PDILT: variants seen among roughly 807,000 people sequenced by gnomAD.
PDILT encodes protein disulfide isomerase like, testis expressed, also known as protein disulfide-isomerase-like protein of the testis.
In PDILT, 43 loss-of-function variants were observed where a neutral mutation model predicts 53.7. The ratio of observed to expected loss-of-function variants is 0.80; its 90% CI spans 0.63 to 1.03. The LOEUF (loss-of-function observed/expected upper bound fraction) is 1.03, where lower values mean the gene tolerates loss of function less well. Ranked by LOEUF, PDILT falls within the 50% of genes least tolerant of loss-of-function variation. The pLI is 0.00. For missense variants in PDILT, 727 were observed against 712.3 expected, an observed-to-expected ratio of 1.02 and a Z score of -0.24; for synonymous variants, 282 against 274.2, an observed-to-expected ratio of 1.03 and a Z score of -0.28.
chr16:20,390,457 G>A (rs1403627335), intron 2 of PDILT, among the ~76,000 whole-genome samples: 1 of 152,026 alleles, frequency 6.6e-6, no homozygotes, highest in African/African-American at 2.4e-5. Flanking sequence ...TTCCAGGGAG[G>A]CTGTCCCTGG....
intron 1 of PDILT, among the ~76,000 whole-genome samples, chr16:20,401,697 G>A (rs1440350283): frequency 6.6e-6 from 1 of 152,238 alleles, no homozygotes; most frequent in Admixed American, 6.5e-5. Context: ...GTGACCCTGA[G>A]TCAGCTGGAC....
intron 7 of PDILT, among the ~76,000 whole-genome samples, chr16:20,370,975 C>G (rs543996271): frequency 4.6e-5 from 7 of 152,206 alleles, no homozygotes; most frequent in African/African-American, 1.7e-4. Flanking sequence ...ATAAAAATGG[C>G]AACCAGCCGC....
intron 3 of PDILT, among the ~76,000 whole-genome samples, chr16:20,381,187 T>C (rs999522499): frequency 2.6e-5 from 4 of 152,246 alleles, no homozygotes; most frequent in Non-Finnish European, 5.9e-5. Flanking sequence ...AGAATGGGAC[T>C]GGGGCTTTGA....
chr16:20,382,730 G>A (rs947868112), intron 3 of PDILT, among the ~76,000 whole-genome samples: 1 of 152,178 alleles, frequency 6.6e-6, no homozygotes, highest in African/African-American at 2.4e-5. Flanking sequence ...TCCCAACAGT[G>A]TAGAGGGGTA....
chr16:20,392,510 GCCCATTTAC>G (rs147280768), intron 2 of PDILT, among the ~76,000 whole-genome samples: 5,981 of 152,214 alleles, frequency 0.039, 146 homozygotes, highest in Non-Finnish European at 0.06. Flanking sequence ...TTTGCAAAGA[GCCCATTTAC>G]CCTTGAAGAA....
chr16:20,362,661 T>G, intron 9 of PDILT, 79 bp from the exon 10 acceptor site: 3 of 1,400,506 alleles, frequency 2.1e-6, no homozygotes, highest in Non-Finnish European at 3.0e-6. Flanking sequence ...ATGGCATCGC[T>G]GTGTTCCACT....
At chr16:20,366,960 C>CTTCA (rs1195064206) in intron 8 of PDILT, among the ~76,000 whole-genome samples, 4 of 132,940 alleles carry the variant, frequency 3.0e-5, no homozygotes, top group African/African-American at 1.1e-4. Flanking sequence ...TCCTTCCTTC[C>CTTCA]TTCCTTCCTT....
intron 3 of PDILT, among the ~76,000 whole-genome samples, chr16:20,383,727 A>C (rs1966492665): frequency 6.6e-6 from 1 of 152,148 alleles, no homozygotes; most frequent in Non-Finnish European, 1.5e-5. Flanking sequence ...AAGACTCAAT[A>C]ATTTAACATA....
chr16:20,365,644 T>A, intron 8 of PDILT, 104 bp from the exon 9 acceptor site: 1 of 1,388,762 alleles, frequency 7.2e-7, no homozygotes. Flanking sequence ...TCGTGTTTTT[T>A]TCACAAGAGC....
chr16:20,391,250 T>G (rs1966603478), intron 2 of PDILT: 1 of 163,866 alleles, frequency 6.1e-6, no homozygotes, highest in Non-Finnish European at 1.4e-5. Flanking sequence ...TCATCGAAAT[T>G]GTCATCATCA....
intron 8 of PDILT, among the ~76,000 whole-genome samples, chr16:20,366,988 C>CTTCA (rs1555489406): frequency 1.2e-5 from 1 of 83,406 alleles, no homozygotes; most frequent in African/African-American, 5.0e-5. Context: ...TCCTTCCTTC[C>CTTCA]TTTCTTTCTT....
At chr16:20,372,774 C>T (rs745876747) in intron 7 of PDILT, 28 bp downstream of exon 7, 2 of 1,605,730 alleles carry the variant, frequency 1.2e-6, no homozygotes, top group Non-Finnish European at 1.7e-6. Context: ...TCCAGGAGTC[C>T]CAGAGAGCAA....
chr16:20,372,538 T>A (rs1243002599), intron 7 of PDILT, among the ~76,000 whole-genome samples: 3 of 152,132 alleles, frequency 2.0e-5, no homozygotes, highest in Non-Finnish European at 2.9e-5. Flanking sequence ...GTTCTCAGAG[T>A]AGACTCATTA....
intron 2 of PDILT, 140 bp downstream of exon 2, chr16:20,398,959 G>A: frequency 2.2e-6 from 2 of 919,036 alleles, no homozygotes; most frequent in South Asian, 3.3e-5. Context: ...AGATGATGCT[G>A]TCTATATATA....
At chr16:20,367,278 A>G (rs4473196) in intron 8 of PDILT, among the ~76,000 whole-genome samples, 2 of 151,914 alleles carry the variant, frequency 1.3e-5, no homozygotes, top group African/African-American at 4.8e-5. Context: ...AATGTTTTGT[A>G]TTTTTAGTAG....
At position 20,376,197 on chromosome 16, in the gene PDILT, C is replaced by A. The variant is rs369609355; in HGVS notation, c.414G>T (p.Val138=). ...AAACGACTAAGGCAGCAGATTCAACCACTCCTGGAGAAAGACACAGTCAAA... is the reference window on the plus strand; with the variant it reads ...AAACGACTAAGGCAGCAGATTCAACAACTCCTGGAGAAAGACACAGTCAAA... ...NRSEPISCKG[V]VESAALVVWL... The change falls in exon 4 of 12, where the codon GTG becomes GTT. Residue 138 remains valine (V), a synonymous_variant. Coordinates refer to ENST00000302451, the MANE Select transcript of PDILT (RefSeq NM_174924.2). The A allele has an allele frequency of 3.7e-6, 6 of 1,614,138 alleles. No individual in the cohort carries two copies. In the South Asian group the frequency reaches 5.5e-5, roughly 15 times the overall value.
At chr16:20,382,545 TG>T (rs1298824877) in intron 3 of PDILT, among the ~76,000 whole-genome samples, 2 of 152,210 alleles carry the variant, frequency 1.3e-5, no homozygotes, top group African/African-American at 4.8e-5. Context: ...CACTACTCAC[TG>T]GGCAGCTTTG....
At chr16:20,392,213 C>T (rs1966613691) in intron 2 of PDILT, among the ~76,000 whole-genome samples, 1 of 152,094 alleles carries the variant, frequency 6.6e-6, no homozygotes, top group Non-Finnish European at 1.5e-5. Context: ...TCAAGAACAA[C>T]CTTGAGGTTT....
At chr16:20,381,165 G>A (rs1386792175) in intron 3 of PDILT, among the ~76,000 whole-genome samples, 1 of 152,226 alleles carries the variant, frequency 6.6e-6, no homozygotes, top group Non-Finnish European at 1.5e-5. Flanking sequence ...ATCAATCCTT[G>A]GAGATTAGAT....
Sources: gnomAD v4.1 joint callset for allele counts (sites outside exome capture counted in the v4.1 genomes callset) on GRCh38, gnomAD v4.1.1 for gene constraint, MANE v1.5 for transcripts, NCBI Gene and HGNC (gene_info 2026-07-23, HGNC 2026-07-21) for gene names.